VDAC1: variants seen among roughly 807,000 people sequenced by gnomAD.
The protein encoded by VDAC1 is voltage dependent anion channel 1.
In VDAC1, 10 loss-of-function variants were observed where a neutral mutation model predicts 34.7. The observed-to-expected ratio is 0.29, with a 90% CI of 0.18 to 0.49. The LOEUF is 0.49. VDAC1 is among the 20% of genes least tolerant of loss of function. The probability of loss-of-function intolerance (pLI) is 0.99; values close to 1 mark genes in which losing one functional copy is unlikely to be tolerated. For missense variants in VDAC1, 230 were observed against 347.9 expected, an observed-to-expected ratio of 0.66 and a Z score of 2.69; for synonymous variants, 130 against 136.0, an observed-to-expected ratio of 0.96 and a Z score of 0.30.
chr5:134,007,024 A>C (rs886581331), upstream of VDAC1, among the ~76,000 whole-genome samples: 3 of 151,790 alleles, frequency 2.0e-5, no homozygotes, highest in Non-Finnish European at 2.9e-5. Context: ...CGGCTGGATC[A>C]CCTGAGGTCG....
At chr5:133,991,607 A>C (rs1444872109) in intron 3 of VDAC1, among the ~76,000 whole-genome samples, 1 of 152,226 alleles carries the variant, frequency 6.6e-6, no homozygotes. Flanking sequence ...AAGAAGCACA[A>C]GGAAAACTAA....
At chr5:134,060,880 CTT>C in the VDAC1 span, among the ~76,000 whole-genome samples, 9 of 98,668 alleles carry the variant, frequency 9.1e-5, no homozygotes, top group Non-Finnish European at 1.3e-4. Flanking sequence ...TCTTCTTCTT[CTT>C]TTTTTTTTTT....
At chr5:134,097,551 G>A in the VDAC1 span, among the ~76,000 whole-genome samples, 13 of 152,244 alleles carry the variant, frequency 8.5e-5, no homozygotes, top group Admixed American at 1.3e-4. Flanking sequence ...GAGCACAGGC[G>A]TAGGGGAGCC....
the VDAC1 span, among the ~76,000 whole-genome samples, chr5:134,037,220 T>C: frequency 6.6e-6 from 1 of 152,158 alleles, no homozygotes; most frequent in African/African-American, 2.4e-5. Flanking sequence ...GATTTGTTTT[T>C]CAGAAACCTG....
the VDAC1 span, among the ~76,000 whole-genome samples, chr5:134,040,954 A>C: frequency 6.6e-6 from 1 of 152,216 alleles, no homozygotes. Context: ...TTTTCCCCCA[A>C]GAAGAGAATC....
At chr5:134,064,939 T>A in the VDAC1 span, among the ~76,000 whole-genome samples, 1 of 151,934 alleles carries the variant, frequency 6.6e-6, no homozygotes, top group Non-Finnish European at 1.5e-5. Flanking sequence ...AGGTTGGTCT[T>A]GAACTTGTGA....
chr5:134,051,673 T>G, the VDAC1 span, among the ~76,000 whole-genome samples: 284 of 151,884 alleles, frequency 1.9e-3, 1 homozygote, highest in African/African-American at 6.0e-3. Context: ...AGTTTGTTTT[T>G]TTTTTTTTTG....
intron 5 of VDAC1, among the ~76,000 whole-genome samples, chr5:133,989,821 G>C (rs1042912164): frequency 2.8e-4 from 42 of 152,188 alleles, no homozygotes; most frequent in African/African-American, 1.0e-3. Context: ...CGCCCACCAG[G>C]CGCAGCTAAT....
At chr5:134,016,140 T>TA in the VDAC1 span, among the ~76,000 whole-genome samples, 2 of 152,166 alleles carry the variant, frequency 1.3e-5, no homozygotes, top group African/African-American at 4.8e-5. Context: ...GGTGTGGTAT[T>TA]AAAATCAAAC....
chr5:134,036,385 A>C, the VDAC1 span, among the ~76,000 whole-genome samples: 870 of 152,290 alleles, frequency 5.7e-3, 8 homozygotes, highest in African/African-American at 0.02. Flanking sequence ...AGGGACATTC[A>C]AAATATAACT....
In VDAC1 at chr5:133,989,692, C is replaced by T. The variant is rs1198342413; in HGVS notation, c.323+1163G>A. Among the ~76,000 whole-genome samples, 5 of 149,258 alleles carry T rather than the reference C, an allele frequency of 3.3e-5. No individual in the cohort carries two copies. The East Asian group carries it at 5.9e-4, about 18-fold the overall frequency. The stretch of plus-strand genomic sequence containing the variant: ...TTTTTTTTCTTTTGAGATGGAGTTT[C>T]GCTCTTCTTGCCCAGGGTGCAGTGC... On this transcript the variant is annotated intron_variant, in intron 5 of 8. Coordinates refer to ENST00000265333, the MANE Select transcript of VDAC1 (RefSeq NM_003374.3).
the VDAC1 span, among the ~76,000 whole-genome samples, chr5:134,060,836 C>A: frequency 6.7e-6 from 1 of 148,504 alleles, no homozygotes. Context: ...ATATAGTAGA[C>A]ATACTTGTGC....
At chr5:134,015,299 C>T in the VDAC1 span, among the ~76,000 whole-genome samples, 1 of 152,052 alleles carries the variant, frequency 6.6e-6, no homozygotes. Flanking sequence ...TTCAATCATA[C>T]CCCAAACCTC....
At chr5:134,089,366 C>T in the VDAC1 span, among the ~76,000 whole-genome samples, 1 of 152,230 alleles carries the variant, frequency 6.6e-6, no homozygotes, top group Non-Finnish European at 1.5e-5. Flanking sequence ...AAGCAGGTGG[C>T]TTCTTAGGAC....
the VDAC1 span, among the ~76,000 whole-genome samples, chr5:134,093,894 G>A: frequency 3.9e-5 from 6 of 152,362 alleles, no homozygotes; most frequent in African/African-American, 1.4e-4. Flanking sequence ...CCCCTCTCTT[G>A]TGGGCCTTTC....
chr5:134,092,136 G>A, the VDAC1 span, among the ~76,000 whole-genome samples: 1 of 152,208 alleles, frequency 6.6e-6, no homozygotes, highest in Non-Finnish European at 1.5e-5. Flanking sequence ...GTTACTAAGT[G>A]GTAGAGTGGG....
rs755706327 is a variant in VDAC1 at position 133,973,740 on chromosome 5, C to T, written c.760+51G>A. 4.4e-6 allele frequency: 7 copies of T among 1,573,972 alleles called. No individual in the cohort carries two copies. The East Asian group carries it at 1.1e-4, about 25-fold the overall frequency. On this transcript the variant is annotated intron_variant, in intron 8 of 8. Coordinates refer to ENST00000265333, the MANE Select transcript of VDAC1 (RefSeq NM_003374.3). ...AATGACATAAATCAGCAAACCAGCA[C>T]CACAATTTTTTTAAGATAAAGAACC...
chr5:134,054,689 G>A, the VDAC1 span, among the ~76,000 whole-genome samples: 2 of 152,060 alleles, frequency 1.3e-5, no homozygotes, highest in Admixed American at 1.3e-4. Flanking sequence ...TTGAACTCCT[G>A]ACCTCAGGTG....
upstream of VDAC1, among the ~76,000 whole-genome samples, chr5:134,007,634 C>G (rs371260804): frequency 2.8e-3 from 426 of 152,230 alleles, 3 homozygotes; most frequent in African/African-American, 9.0e-3. Flanking sequence ...TCCTCTCTTG[C>G]AAACCTGAAC....
Sources: allele counts gnomAD v4.1 joint callset (sites outside exome capture counted in the v4.1 genomes callset), GRCh38; gene constraint gnomAD v4.1.1; transcripts MANE v1.5; gene names NCBI Gene and HGNC (gene_info 2026-07-23, HGNC 2026-07-21).